The following LMBRD2 variants were observed in gnomAD, a reference collection of about 807,000 sequenced individuals.
LMBRD2 encodes the protein LMBR1 domain containing 2, also known as G protein-coupled receptor-associated protein LMBRD2.
Under a neutral mutation model 94.4 loss-of-function variants are expected in LMBRD2, and 55 were observed. The ratio of observed to expected loss-of-function variants is 0.58; its 90% CI spans 0.47 to 0.73. The LOEUF (loss-of-function observed/expected upper bound fraction) is 0.73. LMBRD2 is among the 30% of genes least tolerant of loss of function. The pLI, the probability that LMBRD2 is intolerant of heterozygous loss-of-function variation, is 0.00. For missense variants in LMBRD2, 640 were observed against 831.9 expected (o/e 0.77, Z 2.84); for synonymous variants, 246 against 272.4 (o/e 0.90, Z 0.95).
intron 6 of LMBRD2, among the ~76,000 whole-genome samples, chr5:36,124,505 T>A (rs553617314): frequency 6.6e-6 from 1 of 152,276 alleles, no homozygotes; most frequent in African/African-American, 2.4e-5. Context: ...CTTCATTACT[T>A]GGTACACAAA....
chr5:36,137,354 T>G lies in LMBRD2; in HGVS notation c.456A>C (p.Ala152=). 6.2e-7 allele frequency: 1 copy of G among 1,606,952 alleles called. No homozygotes were observed. The highest frequency in any genetic ancestry group is 8.5e-7 in the Non-Finnish European group (1 of 1,174,840). Residue 152 remains alanine (A), a synonymous_variant, in exon 5 of 18, where the codon GCA becomes GCC. Transcript: ENST00000296603. ...GKIKTALIEN[A]IYYGTYLLIF... is the part of the protein sequence containing the mutation. ...TCAGCAAATAGGTGCCATAGTAGATTGCATTCTCAATTAGTGCAGTTTTGA... is the reference window on the plus strand; with the variant it reads ...TCAGCAAATAGGTGCCATAGTAGATGGCATTCTCAATTAGTGCAGTTTTGA...
chr5:36,130,953 C>T (rs1744137694), intron 6 of LMBRD2, among the ~76,000 whole-genome samples: 1 of 152,020 alleles, frequency 6.6e-6, no homozygotes, highest in Non-Finnish European at 1.5e-5. Flanking sequence ...TTCTGAAAAA[C>T]AGAGGAGGAG....
intron 16 of LMBRD2, among the ~76,000 whole-genome samples, 179 bp from the exon 17 acceptor site, chr5:36,105,376 A>G (rs1281845912): frequency 6.6e-6 from 1 of 152,176 alleles, no homozygotes; most frequent in Admixed American, 6.5e-5. Context: ...GTATAATAGA[A>G]TATAGCAAGG....
intron 4 of LMBRD2, among the ~76,000 whole-genome samples, chr5:36,139,387 C>CT (rs1211944346): frequency 1.3e-5 from 2 of 152,176 alleles, no homozygotes; most frequent in Admixed American, 6.5e-5. Context: ...CATGAACAGC[C>CT]TGGGTGCCAT....
intron 6 of LMBRD2, among the ~76,000 whole-genome samples, chr5:36,126,814 A>C (rs74630949): frequency 0.03 from 4,580 of 152,334 alleles, 239 homozygotes; most frequent in African/African-American, 0.1. Context: ...AATTACCAAT[A>C]AAGTGATTGA....
intron 13 of LMBRD2, among the ~76,000 whole-genome samples, chr5:36,113,181 C>T: frequency 6.6e-6 from 1 of 152,150 alleles, no homozygotes; most frequent in East Asian, 1.9e-4. Flanking sequence ...GACCTAACTG[C>T]TTGTGTTATC....
intron 1 of LMBRD2, among the ~76,000 whole-genome samples, chr5:36,148,616 A>G (rs899337306): frequency 3.3e-5 from 5 of 152,188 alleles, no homozygotes; most frequent in African/African-American, 1.2e-4. Flanking sequence ...AAGCTTTATC[A>G]AATTAGACCT....
chr5:36,148,049 A>C (rs1744593856), intron 1 of LMBRD2: 1 of 184,298 alleles, frequency 5.4e-6, no homozygotes, highest in African/African-American at 2.4e-5. Flanking sequence ...ACCAGGAGAC[A>C]ACTCAAAATC....
At chr5:36,125,556 TAAG>T (rs1321137656) in intron 6 of LMBRD2, among the ~76,000 whole-genome samples, 1 of 152,074 alleles carries the variant, frequency 6.6e-6, no homozygotes, top group Non-Finnish European at 1.5e-5. Context: ...ATTTTAAAAA[TAAG>T]AAGCTTTTTT....
Position 36,100,916 on chromosome 5 carries a change from A to G in LMBRD2, c.*3130T>C, listed in dbSNP as rs946015192. The G allele has an allele frequency of 1.3e-5, 2 of 152,104 alleles. No individual in the cohort carries two copies. The highest frequency in any genetic ancestry group is 6.6e-5 in the Admixed American group (1 of 15,258). The allele number at this position is 152,104 out of a possible 1,614,324, so 9.4% of individuals were successfully genotyped here. Reference sequence around the variant, plus strand: ...AAAATATACTTTTAAAAAACCACACACATTGACTTTCCTATGCTAATTTAA... The same window carrying G: ...AAAATATACTTTTAAAAAACCACACGCATTGACTTTCCTATGCTAATTTAA... On this transcript the variant is annotated 3_prime_UTR_variant, in exon 18 of 18. Transcript: ENST00000296603.
At chr5:36,135,680 A>C (rs1431717970) in intron 6 of LMBRD2, among the ~76,000 whole-genome samples, 1 of 152,210 alleles carries the variant, frequency 6.6e-6, no homozygotes, top group East Asian at 1.9e-4. Flanking sequence ...TGAGGTGACT[A>C]CAATAATCTC....
chr5:36,111,068 T>C, intron 14 of LMBRD2, 87 bp downstream of exon 14: 1 of 815,908 alleles, frequency 1.2e-6, no homozygotes, highest in South Asian at 1.9e-5. Context: ...TTAAAAAATA[T>C]TCACAAACTA....
chr5:36,140,133 T>A lies in LMBRD2; in HGVS notation c.368+974A>T, dbSNP rs564738327. ...TCCAAGCTTCTGGGTACCACCACAT[T>A]CCTCTCATCCAGATGCAGGTGCCCA... On this transcript the variant is annotated intron_variant, in intron 4 of 17. Coordinates refer to ENST00000296603, the MANE Select transcript of LMBRD2 (RefSeq NM_001007527.2). Among the ~76,000 whole-genome samples the A allele has an allele frequency of 1.6e-4, 25 of 152,244 alleles. No individual in the cohort carries two copies. In the South Asian group the frequency reaches 5.0e-3, roughly 30 times the overall value.
At chr5:36,148,456 A>C (rs1255165791) in intron 1 of LMBRD2, among the ~76,000 whole-genome samples, 1 of 152,228 alleles carries the variant, frequency 6.6e-6, no homozygotes, top group African/African-American at 2.4e-5. Context: ...TGAATTCTTA[A>C]AGATTTCATA....
intron 4 of LMBRD2, among the ~76,000 whole-genome samples, chr5:36,138,071 A>G (rs1442552418): frequency 6.6e-6 from 1 of 152,246 alleles, no homozygotes; most frequent in African/African-American, 2.4e-5. Context: ...GAAGGAGGGT[A>G]GACCAGCAAA....
Position 36,136,325 on chromosome 5 carries a change from A to T in LMBRD2, c.731T>A (p.Leu244Ter). The T allele has an allele frequency of 1.2e-6, 2 of 1,614,068 alleles. No homozygotes were observed. Among genetic ancestry groups the T allele is most frequent in the Non-Finnish European group, 1.7e-6 (2 of 1,179,906 alleles). ...MTEKADAEEN[L>*]EDAMEEVRKV... ...CTTGCTTACCTCCATGGCATCTTCCAAATTCTCTTCTGCATCTGCTTTCTC... is the reference window on the plus strand; with the variant it reads ...CTTGCTTACCTCCATGGCATCTTCCTAATTCTCTTCTGCATCTGCTTTCTC... The change falls in exon 6 of 18, where the codon TTG becomes TAG. Residue 244 changes from leucine (L) to a stop codon, truncating the protein, a stop_gained. Coordinates refer to ENST00000296603, the MANE Select transcript of LMBRD2 (RefSeq NM_001007527.2). LOFTEE classifies it high-confidence loss of function.
chr5:36,148,282 G>A (rs1343875481), intron 1 of LMBRD2, among the ~76,000 whole-genome samples: 5 of 149,382 alleles, frequency 3.3e-5, no homozygotes, highest in African/African-American at 1.2e-4. Flanking sequence ...ATTTTTTAAA[G>A]GTACCTAAGA....
At chr5:36,136,237 C>G in intron 6 of LMBRD2, 72 bp downstream of exon 6, 1 of 1,452,646 alleles carries the variant, frequency 6.9e-7, no homozygotes, top group Non-Finnish European at 9.7e-7. Context: ...ACAACAACAA[C>G]AAACCAAAAA....
chr5:36,116,021 A>G (rs1743735548), intron 11 of LMBRD2, among the ~76,000 whole-genome samples: 1 of 152,226 alleles, frequency 6.6e-6, no homozygotes, highest in South Asian at 2.1e-4. Flanking sequence ...CAGGTAATAG[A>G]TTGTACAATC....
Sources: gnomAD v4.1 joint callset for allele counts (sites outside exome capture counted in the v4.1 genomes callset) on GRCh38, gnomAD v4.1.1 for gene constraint, MANE v1.5 for transcripts, NCBI Gene and HGNC (gene_info 2026-07-23, HGNC 2026-07-21) for gene names.